Variants in TMEM71 observed in about 807,000 individuals in gnomAD.
TMEM71 encodes transmembrane protein 71.
Under a neutral mutation model 38.0 loss-of-function variants are expected in TMEM71, and 44 were observed. That is an observed-to-expected ratio of 1.16 (90% CI 0.91 to 1.49). TMEM71 has a LOEUF of 1.49. Among genes scored for constraint, TMEM71 ranks in the 40% most tolerant of loss-of-function variants. TMEM71 has a pLI of 0.00. For missense variants in TMEM71, 367 were observed against 348.6 expected (o/e 1.05, Z -0.42); for synonymous variants, 133 against 122.5 (o/e 1.09, Z -0.56).
chr8:132,742,806 G>T (rs1030328563), intron 5 of TMEM71, among the ~76,000 whole-genome samples: 1 of 152,224 alleles, frequency 6.6e-6, no homozygotes, highest in Admixed American at 6.5e-5. Flanking sequence ...TTTTCAGGCT[G>T]CTGATAAAGA....
chr8:132,730,543 T>A (rs1827395212), intron 5 of TMEM71, among the ~76,000 whole-genome samples: 1 of 152,228 alleles, frequency 6.6e-6, no homozygotes, highest in Admixed American at 6.5e-5. Context: ...GCCAGGATGT[T>A]ACCGTCTGGC....
At chr8:132,720,899 G>A (rs10216529) in intron 7 of TMEM71, among the ~76,000 whole-genome samples, 84,790 of 151,872 alleles carry the variant, frequency 0.56, 26,302 homozygotes, top group African/African-American at 0.85. Flanking sequence ...CGCACAATGT[G>A]TCTGCTGTCA....
the TMEM71 span, among the ~76,000 whole-genome samples, chr8:132,772,565 T>C: frequency 6.6e-6 from 1 of 152,218 alleles, no homozygotes; most frequent in Non-Finnish European, 1.5e-5. Flanking sequence ...CCTACCTGAA[T>C]TTTTTGTCAG....
chr8:132,746,964 G>T lies in TMEM71; in HGVS notation c.465C>A (p.Asp155Glu). Residue 155 changes from aspartate to glutamate, a missense_variant, in exon 5 of 10, where the codon GAC becomes GAA. Asp to Glu is a conservative substitution (Grantham distance 45, BLOSUM62 2). Transcript: ENST00000677595. The stretch of plus-strand genomic sequence containing the variant: ...CACCATTTCCATTGCAATGGTCTGT[G>T]TCCAACCTCCTGGTCCCCTTCAACC... ...DNWLKGTRRL[D>E]TDHCNGNADD... The T allele has an allele frequency of 1.2e-6, 2 of 1,607,974 alleles. No individual in the cohort carries two copies. Among genetic ancestry groups the T allele is most frequent in the Non-Finnish European group, 1.7e-6 (2 of 1,178,302 alleles).
At chr8:132,732,458 A>C (rs1244308763) in intron 5 of TMEM71, among the ~76,000 whole-genome samples, 2 of 152,178 alleles carry the variant, frequency 1.3e-5, no homozygotes, top group African/African-American at 4.8e-5. Flanking sequence ...CATGTGCATG[A>C]GGTCAGTCCC....
At chr8:132,708,527 G>A (rs1310996743), downstream of TMEM71, among the ~76,000 whole-genome samples, 1 of 152,200 alleles carries the variant, frequency 6.6e-6, no homozygotes, top group Non-Finnish European at 1.5e-5. Flanking sequence ...TTTCTGCAGA[G>A]GTCTTTAACT....
chr8:132,742,841 G>A (rs570382530), intron 5 of TMEM71, among the ~76,000 whole-genome samples: 20 of 152,284 alleles, frequency 1.3e-4, no homozygotes, highest in South Asian at 8.3e-4. Context: ...GGCAATTTAC[G>A]AAAGAAAGAG....
chr8:132,746,408 T>A (rs113196006), intron 5 of TMEM71, among the ~76,000 whole-genome samples: 1 of 19,210 alleles, frequency 5.2e-5, no homozygotes, highest in African/African-American at 1.1e-4. Context: ...TACATATATA[T>A]ATACACACAC....
At chr8:132,712,523 G>C (rs748428705) in intron 9 of TMEM71, among the ~76,000 whole-genome samples, 5 of 151,978 alleles carry the variant, frequency 3.3e-5, no homozygotes, top group Non-Finnish European at 7.4e-5. Flanking sequence ...GCTCCCCCTG[G>C]CTCCTGTACT....
chr8:132,766,415 G>A, the TMEM71 span, among the ~76,000 whole-genome samples: 15 of 127,948 alleles, frequency 1.2e-4, no homozygotes, highest in African/African-American at 3.1e-4. Flanking sequence ...GGGCGGGGGG[G>A]AAAGGAAGAA....
chr8:132,775,394 G>C, the TMEM71 span: 1 of 379,698 alleles, frequency 2.6e-6, no homozygotes, highest in Non-Finnish European at 4.6e-6. Context: ...CGTCAGGGCT[G>C]GCCGGCGGCG....
chr8:132,770,862 C>G, the TMEM71 span, among the ~76,000 whole-genome samples: 2 of 152,152 alleles, frequency 1.3e-5, no homozygotes, highest in Non-Finnish European at 2.9e-5. Context: ...AATCAGGGCC[C>G]AGGAACTTGA....
At chr8:132,716,201 CT>C (rs1826521870) in intron 7 of TMEM71, among the ~76,000 whole-genome samples, 1 of 152,244 alleles carries the variant, frequency 6.6e-6, no homozygotes, top group Admixed American at 6.5e-5. Flanking sequence ...GCTCCTGCCC[CT>C]GGCCTCTCCC....
the TMEM71 span, among the ~76,000 whole-genome samples, chr8:132,771,072 C>T: frequency 1.1e-4 from 17 of 152,300 alleles, no homozygotes; most frequent in African/African-American, 4.1e-4. Flanking sequence ...GAAGCAGAGA[C>T]CATCCTTTGT....
intron 6 of TMEM71, among the ~76,000 whole-genome samples, chr8:132,723,431 A>G (rs1826959983): frequency 1.3e-5 from 2 of 152,334 alleles, no homozygotes; most frequent in Non-Finnish European, 2.9e-5. Flanking sequence ...TGAATTATTC[A>G]TGGATTCCTT....
intron 2 of TMEM71, among the ~76,000 whole-genome samples, chr8:132,757,599 G>A (rs1290593722): frequency 6.6e-6 from 1 of 152,046 alleles, no homozygotes. Context: ...ACCGAGGCGG[G>A]CGGATCACAA....
chr8:132,773,676 C>G, the TMEM71 span, among the ~76,000 whole-genome samples: 7 of 152,108 alleles, frequency 4.6e-5, no homozygotes, highest in Non-Finnish European at 1.5e-5. Context: ...AGAAAAGTTT[C>G]CTTATTTTGA....
intron 4 of TMEM71, among the ~76,000 whole-genome samples, chr8:132,750,849 T>C (rs1828668731): frequency 6.6e-6 from 1 of 152,216 alleles, no homozygotes; most frequent in Non-Finnish European, 1.5e-5. Context: ...CTAAGATTCA[T>C]GCAAGTGTTC....
chr8:132,765,258 T>C (rs1296692261), upstream of TMEM71, among the ~76,000 whole-genome samples: 1 of 152,146 alleles, frequency 6.6e-6, no homozygotes, highest in African/African-American at 2.4e-5. Flanking sequence ...GCTGAAGCTG[T>C]GTGTATTTTT....
Sources: allele counts gnomAD v4.1 joint callset (sites outside exome capture counted in the v4.1 genomes callset), GRCh38; gene constraint gnomAD v4.1.1; transcripts MANE v1.5; gene names NCBI Gene and HGNC (gene_info 2026-07-23, HGNC 2026-07-21).